SPAG9: variants seen among roughly 807,000 people sequenced by gnomAD.
SPAG9 encodes C-Jun-amino-terminal kinase-interacting protein 4.
A neutral mutation model predicts 166.5 loss-of-function variants in SPAG9; 35 were observed. That is an observed-to-expected ratio of 0.21 (90% confidence interval 0.16 to 0.28). SPAG9 has a LOEUF of 0.28. Among genes scored for constraint, SPAG9 ranks in the 10% least tolerant of loss-of-function variants. The pLI is 1.00. For missense variants in SPAG9, 1,235 were observed against 1,603.3 expected (o/e 0.77, Z 3.92); for synonymous variants, 534 against 565.5 (o/e 0.94, Z 0.79).
At position 51,119,012 on chromosome 17, in the gene SPAG9, C is replaced by T. The variant is rs377718169; in HGVS notation, c.303+1342G>A. On this transcript the variant is annotated intron_variant, in intron 1 of 29. Coordinates refer to ENST00000262013, the MANE Select transcript of SPAG9 (RefSeq NM_001130528.3). ...TCACTCCACTGCACTTCACCCTGGG[C>T]GACAGAGTGAGACTACGTCTCAAAA... Among the ~76,000 whole-genome samples, 17 of 130,874 alleles carry T rather than the reference C, an allele frequency of 1.3e-4. No individual in the cohort carries two copies. In the East Asian group the frequency reaches 3.4e-3, roughly 26 times the overall value. The allele number at this position is 130,874 out of a possible 152,430, so 85.9% of individuals were successfully genotyped here.
chr17:51,006,498 C>A (rs2045225073), intron 10 of SPAG9, among the ~76,000 whole-genome samples: 1 of 152,120 alleles, frequency 6.6e-6, no homozygotes, highest in African/African-American at 2.4e-5. Context: ...AAATAGCATT[C>A]AAAAGGTTAC....
At chr17:51,091,831 AGT>A (rs747770018) in intron 1 of SPAG9, among the ~76,000 whole-genome samples, 22 of 151,950 alleles carry the variant, frequency 1.4e-4, no homozygotes, top group Middle Eastern at 3.4e-3. Flanking sequence ...AAAAAAAATC[AGT>A]GGACAATACA....
chr17:51,000,085 G>A (rs890344850), intron 13 of SPAG9, among the ~76,000 whole-genome samples: 1 of 151,992 alleles, frequency 6.6e-6, no homozygotes, highest in Non-Finnish European at 1.5e-5. Flanking sequence ...TTACATAAAA[G>A]TCTCTATCAT....
chr17:50,984,636 A>C (rs945096236), intron 24 of SPAG9, among the ~76,000 whole-genome samples: 4 of 152,184 alleles, frequency 2.6e-5, no homozygotes, highest in Non-Finnish European at 5.9e-5. Flanking sequence ...CAGTGAGCTG[A>C]GATTGCGCCA....
intron 8 of SPAG9, 52 bp downstream of exon 8, chr17:51,020,107 G>C: frequency 9.6e-7 from 1 of 1,040,556 alleles, no homozygotes; most frequent in Non-Finnish European, 1.5e-6. Flanking sequence ...AGTGTTTATG[G>C]GAGTTGGGGG....
Position 51,120,318 on chromosome 17 carries a change from C to A in SPAG9, c.303+36G>T. ...ACCCCGCCCCGGCCGCCCCCGGAGACGGATCCCGCGGCCCCCGCCCTGCCG... is the reference window on the plus strand; with the variant it reads ...ACCCCGCCCCGGCCGCCCCCGGAGAAGGATCCCGCGGCCCCCGCCCTGCCG... On this transcript the variant is annotated intron_variant, in intron 1 of 29. Coordinates refer to ENST00000262013, the MANE Select transcript of SPAG9 (RefSeq NM_001130528.3). This position sits in a 1 kb window ranked among gnomAD's most constrained non-coding sequence, Gnocchi z 4.7. The A allele has an allele frequency of 6.7e-7, 1 of 1,490,540 alleles. No individual in the cohort carries two copies. The highest frequency in any genetic ancestry group is 1.3e-5 in the South Asian group (1 of 79,072). The allele number at this position is 1,490,540 out of a possible 1,614,324, so 92.3% of individuals were successfully genotyped here.
At chr17:51,001,943 C>T (rs2044971187) in intron 12 of SPAG9, 98 bp from the exon 13 acceptor site, 3 of 1,152,440 alleles carry the variant, frequency 2.6e-6, no homozygotes, top group African/African-American at 1.6e-5. Context: ...TTAAGCATTC[C>T]TTAATTTTTA....
chr17:51,067,614 G>A (rs569045157), intron 2 of SPAG9, among the ~76,000 whole-genome samples: 7 of 151,878 alleles, frequency 4.6e-5, no homozygotes, highest in Non-Finnish European at 8.8e-5. Flanking sequence ...GCTCCAAGCC[G>A]AGATTAACTG....
intron 1 of SPAG9, among the ~76,000 whole-genome samples, chr17:51,096,958 G>C (rs1018127667): frequency 8.5e-5 from 13 of 152,338 alleles, no homozygotes; most frequent in Non-Finnish European, 1.9e-4. Flanking sequence ...CTTAAGGATG[G>C]GAGCTGGTCA....
chr17:51,058,937 C>CTA (rs2047430766), intron 2 of SPAG9, among the ~76,000 whole-genome samples: 1 of 152,126 alleles, frequency 6.6e-6, no homozygotes, highest in Admixed American at 6.5e-5. Context: ...GCTAGAAAGC[C>CTA]TATATATATG....
intron 14 of SPAG9, 165 bp downstream of exon 14, chr17:50,999,496 T>TAAAA: frequency 4.6e-6 from 6 of 1,291,618 alleles, no homozygotes; most frequent in Admixed American, 3.0e-5. Context: ...CACTATATAT[T>TAAAA]AAAAAAAAAA....
intron 1 of SPAG9, among the ~76,000 whole-genome samples, chr17:51,117,060 A>G (rs1395107349): frequency 1.3e-5 from 2 of 152,220 alleles, no homozygotes; most frequent in African/African-American, 4.8e-5. Context: ...GTCCAAATCT[A>G]TCTAAAATTA....
chr17:50,985,755 G>A lies in SPAG9; in HGVS notation c.2963C>T (p.Ala988Val), dbSNP rs1597913164. 6.2e-7 allele frequency: 1 copy of A among 1,606,256 alleles called. No homozygotes were observed. Among genetic ancestry groups the A allele is most frequent in the Non-Finnish European group, 8.5e-7 (1 of 1,173,556 alleles). ...NGCLYVHSSV[A>V]QWRKCLHSIK... ...GGAATGGAGACATTTCCTCCACTGG[G>A]CTACAGATGAATGGACATACAAACT... Residue 988 changes from alanine to valine, a missense_variant, in exon 23 of 30, where the codon GCC (alanine) becomes GTC (valine). Coordinates refer to ENST00000262013, the MANE Select transcript of SPAG9 (RefSeq NM_001130528.3).
chr17:50,976,671 T>C (rs950482536), intron 27 of SPAG9: 6 of 153,236 alleles, frequency 3.9e-5, no homozygotes, highest in African/African-American at 1.4e-4. Flanking sequence ...AGAAGATAGA[T>C]GGAAAGGCTT....
intron 6 of SPAG9, among the ~76,000 whole-genome samples, chr17:51,022,259 G>T (rs2045969344): frequency 6.6e-6 from 1 of 151,974 alleles, no homozygotes; most frequent in South Asian, 2.1e-4. Flanking sequence ...AGAGTAGGGA[G>T]TAGGGAGGAG....
intron 5 of SPAG9, among the ~76,000 whole-genome samples, chr17:51,033,884 T>C (rs933009562): frequency 7.2e-5 from 11 of 152,366 alleles, no homozygotes; most frequent in African/African-American, 2.6e-4. Flanking sequence ...TAAATACCTA[T>C]GTGCCAATTA....
At chr17:51,068,910 C>G (rs2047744332) in intron 2 of SPAG9, among the ~76,000 whole-genome samples, 1 of 152,014 alleles carries the variant, frequency 6.6e-6, no homozygotes, top group African/African-American at 2.4e-5. Flanking sequence ...CATAAAACAG[C>G]TAAAGACCAC....
chr17:51,119,443 C>G (rs1049567687), intron 1 of SPAG9, among the ~76,000 whole-genome samples: 2 of 152,172 alleles, frequency 1.3e-5, no homozygotes, highest in Non-Finnish European at 2.9e-5. Flanking sequence ...AAGCTAAACT[C>G]CTTGTCAGTC....
At chr17:51,044,888 A>T (rs551006133) in intron 4 of SPAG9, among the ~76,000 whole-genome samples, 1 of 152,310 alleles carries the variant, frequency 6.6e-6, no homozygotes, top group Non-Finnish European at 1.5e-5. Flanking sequence ...ATCAGTAGCA[A>T]TTTTTGTGGT....
Sources: gnomAD v4.1 joint callset for allele counts (sites outside exome capture counted in the v4.1 genomes callset) on GRCh38, gnomAD v4.1.1 for gene constraint, Gnocchi (gnomAD v3.1) non-coding constraint, MANE v1.5 for transcripts, NCBI Gene and HGNC (gene_info 2026-07-23, HGNC 2026-07-21) for gene names.